Variants in ANKS1B observed in about 807,000 individuals in gnomAD.
ANKS1B encodes the protein ankyrin repeat and sterile alpha motif domain-containing protein 1B.
Under a neutral mutation model 148.3 loss-of-function variants are expected in ANKS1B, and 36 were observed. That is an observed-to-expected ratio of 0.24 (90% CI 0.19 to 0.32). The LOEUF (loss-of-function observed/expected upper bound fraction) is 0.32. Ranked by LOEUF, ANKS1B falls within the 10% of genes least tolerant of loss-of-function variation. The pLI is 1.00. For synonymous variants in ANKS1B, 542 were observed against 560.8 expected (o/e 0.97, Z 0.47); for missense variants, 1,157 against 1,542.6 (o/e 0.75, Z 4.19).
At chr12:99,646,951 T>C (rs940909113) in intron 9 of ANKS1B, among the ~76,000 whole-genome samples, 3 of 150,888 alleles carry the variant, frequency 2.0e-5, no homozygotes, top group African/African-American at 7.3e-5. Flanking sequence ...AGTTTGAGGG[T>C]GAGTCAAAAC....
At chr12:99,770,783 TCCAAATAAACAGA>T (rs2063119873) in intron 8 of ANKS1B, among the ~76,000 whole-genome samples, 1 of 152,092 alleles carries the variant, frequency 6.6e-6, no homozygotes. Context: ...ACTCTATTCT[TCCAAATAAACAGA>T]ATTATTTGCT....
At chr12:98,740,028 C>G (rs901883873), downstream of ANKS1B, among the ~76,000 whole-genome samples, 2 of 152,098 alleles carry the variant, frequency 1.3e-5, no homozygotes, top group South Asian at 2.1e-4. Flanking sequence ...GAACTTGATT[C>G]TCTTTGGGCG....
At chr12:99,794,690 G>C (rs1368639992) in intron 4 of ANKS1B, among the ~76,000 whole-genome samples, 6 of 151,866 alleles carry the variant, frequency 4.0e-5, no homozygotes, top group Non-Finnish European at 8.8e-5. Flanking sequence ...GTTACCAGAG[G>C]CTGGGAAGGG....
In ANKS1B at chr12:99,146,585, C is replaced by T. The variant is rs538832437; in HGVS notation, c.2526+7704G>A. On this transcript the variant is annotated intron_variant, in intron 15 of 26. Coordinates refer to ENST00000683438, the MANE Select transcript of ANKS1B (RefSeq NM_001352186.2). ...GGCTTGGTTAAAGCAAAAACACCCT[C>T]TCTAGCTCTCGTCAGACTCCTGAAG... 6.6e-5 allele frequency among the ~76,000 whole-genome samples: 10 copies of T among 152,248 alleles called. No individual in the cohort carries two copies. In the South Asian group the frequency reaches 1.9e-3, roughly 28 times the overall value.
intron 9 of ANKS1B, among the ~76,000 whole-genome samples, chr12:99,619,100 T>C (rs993897771): frequency 3.9e-5 from 6 of 152,066 alleles, no homozygotes; most frequent in African/African-American, 1.2e-4. Flanking sequence ...CCTGAGTTCA[T>C]GGTGCAGCAG....
At chr12:99,069,058 C>A (rs956163298) in intron 16 of ANKS1B, among the ~76,000 whole-genome samples, 6 of 152,298 alleles carry the variant, frequency 3.9e-5, no homozygotes, top group African/African-American at 1.4e-4. Flanking sequence ...TGTTTCCATT[C>A]CCATCTCTGG....
intron 1 of ANKS1B, among the ~76,000 whole-genome samples, chr12:99,875,451 C>T (rs1384375385): frequency 6.6e-6 from 1 of 150,926 alleles, no homozygotes; most frequent in African/African-American, 2.4e-5. Flanking sequence ...AAAAAAAAGT[C>T]TTATATAAAC....
intron 12 of ANKS1B, among the ~76,000 whole-genome samples, chr12:99,250,305 C>A (rs998330351): frequency 6.6e-6 from 1 of 152,116 alleles, no homozygotes; most frequent in Non-Finnish European, 1.5e-5. Flanking sequence ...ATGGGCTCTA[C>A]GATTGTTAGT....
chr12:98,789,244 GA>G (rs1402322587), intron 22 of ANKS1B, among the ~76,000 whole-genome samples: 1 of 152,144 alleles, frequency 6.6e-6, no homozygotes, highest in Non-Finnish European at 1.5e-5. Context: ...TCGGGAGGCT[GA>G]GGCAGGAGAA....
intron 14 of ANKS1B, among the ~76,000 whole-genome samples, chr12:99,236,258 T>C (rs1445959429): frequency 6.6e-6 from 1 of 152,218 alleles, no homozygotes; most frequent in Non-Finnish European, 1.5e-5. Context: ...CAGGGATAGT[T>C]TGACTTCCTC....
chr12:98,979,328 C>A (rs544706949), intron 17 of ANKS1B, among the ~76,000 whole-genome samples: 1 of 150,830 alleles, frequency 6.6e-6, no homozygotes, highest in Admixed American at 6.6e-5. Flanking sequence ...AGTGCAGTGG[C>A]GCAATCTTGG....
chr12:99,829,116 T>C (rs540747669), intron 1 of ANKS1B, among the ~76,000 whole-genome samples: 2 of 151,964 alleles, frequency 1.3e-5, no homozygotes, highest in Admixed American at 6.5e-5. Context: ...TATTGAAAAA[T>C]AGAGGTTCTT....
rs1027648293 is a variant in ANKS1B at position 98,985,211 on chromosome 12, C to A, written c.2778+67946G>T. On this transcript the variant is annotated intron_variant, in intron 17 of 26. Transcript: ENST00000683438. ...CACTGCAGCCTCAACCTCTTGGGCTCAAGTGGTCTTCCCACCTCAGCTTCC... is the reference window on the plus strand; with the variant it reads ...CACTGCAGCCTCAACCTCTTGGGCTAAAGTGGTCTTCCCACCTCAGCTTCC... 2.2e-4 allele frequency among the ~76,000 whole-genome samples: 33 copies of A among 152,122 alleles called. 1 individual carries two copies. The highest frequency in any genetic ancestry group is 8.0e-4 in the African/African-American group (33 of 41,430).
intron 12 of ANKS1B, among the ~76,000 whole-genome samples, chr12:99,258,045 T>G (rs1430574208): frequency 6.6e-6 from 1 of 152,190 alleles, no homozygotes; most frequent in Non-Finnish European, 1.5e-5. Flanking sequence ...TAGACTGACA[T>G]AATACTTTGA....
intron 19 of ANKS1B, among the ~76,000 whole-genome samples, chr12:98,810,740 G>A (rs1049866282): frequency 2.0e-5 from 3 of 152,188 alleles, no homozygotes; most frequent in Admixed American, 2.0e-4. Context: ...CTGCCTGATG[G>A]GCACAAGGCC....
intron 12 of ANKS1B, among the ~76,000 whole-genome samples, chr12:99,295,593 C>A (rs1031241950): frequency 5.3e-5 from 8 of 151,956 alleles, no homozygotes; most frequent in African/African-American, 1.9e-4. Flanking sequence ...ATGGATTATA[C>A]TTTCAGTGTC....
intron 9 of ANKS1B, among the ~76,000 whole-genome samples, chr12:99,512,190 C>T (rs2096773556): frequency 1.3e-5 from 2 of 151,834 alleles, no homozygotes; most frequent in South Asian, 4.1e-4. Flanking sequence ...TATCCAGAAT[C>T]TATAAGGAAG....
chr12:99,955,492 C>CAAAAAAAAAAAAAAAAA (rs61654867), intron 1 of ANKS1B, among the ~76,000 whole-genome samples: 2 of 38,094 alleles, frequency 5.3e-5, no homozygotes, highest in African/African-American at 1.9e-4. Flanking sequence ...AACTCCGTCT[C>CAAAAAAAAAAAAAAAAA]AAAAAAAAAA....
At chr12:99,547,115 C>T (rs1019317506) in intron 9 of ANKS1B, among the ~76,000 whole-genome samples, 5 of 151,976 alleles carry the variant, frequency 3.3e-5, no homozygotes, top group Non-Finnish European at 5.9e-5. Context: ...GAACAAAGTA[C>T]TTGGGTTTTG....
Sources: allele counts gnomAD v4.1 joint callset (sites outside exome capture counted in the v4.1 genomes callset), GRCh38; gene constraint gnomAD v4.1.1; transcripts MANE v1.5; gene names NCBI Gene and HGNC (gene_info 2026-07-23, HGNC 2026-07-21).